Variants in PIK3CD observed in about 807,000 individuals in gnomAD.
The protein encoded by PIK3CD is phosphatidylinositol 4,5-bisphosphate 3-kinase catalytic subunit delta isoform.
PIK3CD carries 20 observed loss-of-function variants against 122.9 expected under a neutral mutation model. The observed-to-expected ratio is 0.16, with a 90% confidence interval of 0.11 to 0.24. PIK3CD has a LOEUF of 0.24. Ranked by LOEUF, PIK3CD falls within the 10% of genes least tolerant of loss-of-function variation. PIK3CD has a pLI of 1.00. For missense variants in PIK3CD, 787 were observed against 1,406.3 expected (o/e 0.56, Z 7.04); for synonymous variants, 596 against 593.4 (o/e 1.00, Z -0.06).
intron 23 of PIK3CD, among the ~76,000 whole-genome samples, chr1:9,725,693 A>T (rs1649441886): frequency 6.6e-6 from 1 of 152,076 alleles, no homozygotes; most frequent in African/African-American, 2.4e-5. Flanking sequence ...CCTGACCAAC[A>T]TGGTGAAACC....
the PIK3CD span, among the ~76,000 whole-genome samples, chr1:9,638,582 G>A: frequency 0.2 from 29,834 of 151,060 alleles, 2,980 homozygotes; most frequent in East Asian, 0.26. Flanking sequence ...AATACAAAAA[G>A]TTAGCGGGGT....
In PIK3CD at chr1:9,658,521, ATTTTT is replaced by A. The variant is rs1165670404; in HGVS notation, c.-138+6738_-138+6742del. 4.3e-3 allele frequency among the ~76,000 whole-genome samples: 391 copies of A among 91,178 alleles called. 5 individuals are homozygous for A. The highest frequency in any genetic ancestry group is 0.036 in the East Asian group (89 of 2,468). 59.8% of individuals were successfully genotyped at this position (91,178 alleles called of 152,430 possible). ...CTGAACTGGGTTTTTTCCCAGCCAC[ATTTTT>A]TTTTTTTTTTTTTTTTTTGGTGAGG... On this transcript the variant is annotated intron_variant, in intron 1 of 23. Coordinates refer to ENST00000377346, the MANE Select transcript of PIK3CD (RefSeq NM_005026.5).
chr1:9,675,527 T>C (rs543696825), intron 1 of PIK3CD, among the ~76,000 whole-genome samples: 1 of 151,998 alleles, frequency 6.6e-6, no homozygotes, highest in South Asian at 2.1e-4. Flanking sequence ...CAGAGGCTGC[T>C]CCTAACCCTG....
rs1649220115 is a variant in PIK3CD, at chr1:9,724,694, C to T, written c.2865-110C>T. On this transcript the variant is annotated intron_variant, in intron 22 of 23. Transcript: ENST00000377346. The surrounding 1 kb of genome is among the most constrained non-coding windows in gnomAD (Gnocchi z 7.3). ...TGGAGGCCTTGTGTCCACCCATTAT[C>T]AGGGCAAGGGCAGGTGTCCTTGGGG... is the stretch of plus-strand genomic sequence containing the variant. 2 of 1,420,684 alleles carry T rather than the reference C, an allele frequency of 1.4e-6. No homozygotes were observed. The highest frequency in any genetic ancestry group is 3.3e-5 in the Admixed American group (2 of 59,774). The allele number at this position is 1,420,684 out of a possible 1,614,324, so 88.0% of individuals were successfully genotyped here.
In PIK3CD at chr1:9,717,629, G is replaced by T; in HGVS notation, c.1020+3G>T. 6.2e-7 allele frequency: 1 copy of T among 1,613,780 alleles called. No homozygotes were observed. Among genetic ancestry groups the T allele is most frequent in the Non-Finnish European group, 8.5e-7 (1 of 1,179,726 alleles). ...TGAACGCCGACGAGCGGATGAAGGTGGGGCTCCTGGGATAGGTGGGAGAGA... is the reference window on the plus strand; with the variant it reads ...TGAACGCCGACGAGCGGATGAAGGTTGGGCTCCTGGGATAGGTGGGAGAGA... On this transcript the variant is annotated splice_donor_region_variant and intron_variant, in intron 8 of 23. Coordinates refer to ENST00000377346, the MANE Select transcript of PIK3CD (RefSeq NM_005026.5). This position sits in a 1 kb window ranked among gnomAD's most constrained non-coding sequence, Gnocchi z 5.4.
intron 1 of PIK3CD, chr1:9,654,223 G>A (rs751687980): frequency 4.4e-6 from 6 of 1,367,646 alleles, no homozygotes; most frequent in African/African-American, 1.5e-5. Flanking sequence ...ATTAGGGCAC[G>A]TGCCCCAGAG....
At position 9,704,423 on chromosome 1, in the gene PIK3CD, A is replaced by C. The variant is rs1046334793; in HGVS notation, c.-32-6001A>C. Reference sequence around the variant, plus strand: ...TGGCCAAAGATACCCCTGACTTTCAAAGCCCATGGTCAAAGCCCATTTCAT... The same window carrying C: ...TGGCCAAAGATACCCCTGACTTTCACAGCCCATGGTCAAAGCCCATTTCAT... On this transcript the variant is annotated intron_variant, in intron 2 of 23. Transcript: ENST00000377346. This position sits in a 1 kb window ranked among gnomAD's most constrained non-coding sequence, Gnocchi z 5.0. 6.6e-6 allele frequency among the ~76,000 whole-genome samples: 1 copy of C among 152,200 alleles called. No individual in the cohort carries two copies. Among genetic ancestry groups the C allele is most frequent in the Non-Finnish European group, 1.5e-5 (1 of 68,040 alleles).
In PIK3CD at chr1:9,689,440, G is replaced by C. The variant is rs1646103198; in HGVS notation, c.-137-2027G>C. Among the ~76,000 whole-genome samples the C allele has an allele frequency of 6.7e-6, 1 of 150,116 alleles. No individual in the cohort carries two copies. Among genetic ancestry groups the C allele is most frequent in the Admixed American group, 6.6e-5 (1 of 15,116 alleles). ...GTGTGAGAATTTGCCGACGGTGCCCGCGCCGCCGCCGGCCCCGGCCCCGCC... is the reference window on the plus strand; with the variant it reads ...GTGTGAGAATTTGCCGACGGTGCCCCCGCCGCCGCCGGCCCCGGCCCCGCC... On this transcript the variant is annotated intron_variant, in intron 1 of 23. Coordinates refer to ENST00000377346, the MANE Select transcript of PIK3CD (RefSeq NM_005026.5). The surrounding 1 kb of genome is among the most constrained non-coding windows in gnomAD (Gnocchi z 6.1).
chr1:9,727,106 A>C lies in PIK3CD; in HGVS notation c.*60A>C. On this transcript the variant is annotated 3_prime_UTR_variant, in exon 24 of 24. Coordinates refer to ENST00000377346, the MANE Select transcript of PIK3CD (RefSeq NM_005026.5). ...GCTGCGGGTCGTGGGGACCAAGCAC[A>C]TTGGTCCTAAAGGGGCTGAAGAGCC... 2 of 1,597,930 alleles carry C rather than the reference A, an allele frequency of 1.3e-6. No homozygotes were observed. The highest frequency in any genetic ancestry group is 1.7e-5 in the Admixed American group (1 of 59,546).
At position 9,689,237 on chromosome 1, in the gene PIK3CD, G is replaced by T. The variant is rs572146514; in HGVS notation, c.-137-2230G>T. 6.6e-6 allele frequency among the ~76,000 whole-genome samples: 1 copy of T among 152,354 alleles called. No individual in the cohort carries two copies. Among genetic ancestry groups the T allele is most frequent in the East Asian group, 1.9e-4 (1 of 5,180 alleles). On this transcript the variant is annotated intron_variant, in intron 1 of 23. Coordinates refer to ENST00000377346, the MANE Select transcript of PIK3CD (RefSeq NM_005026.5). This position sits in a 1 kb window ranked among gnomAD's most constrained non-coding sequence, Gnocchi z 6.1. ...TAAGGTGAAACCTAGGCCAGAGCCA[G>T]CGTGCGCGCGCCGTCGGGGTCCCGC...
chr1:9,684,401 G>T (rs974894185), intron 1 of PIK3CD, among the ~76,000 whole-genome samples: 1 of 152,002 alleles, frequency 6.6e-6, no homozygotes, highest in Non-Finnish European at 1.5e-5. Context: ...GCTGGGCATG[G>T]TGGCAGGCCC....
In PIK3CD at chr1:9,721,198, C is replaced by T; in HGVS notation, c.1761C>T (p.Phe587=). ...CCCTGGAGCTGCTAGACTTCAGCTT[C>T]CCCGATTGCCACGTAGGCTCCTTCG... ...LSALELLDFS[F]PDCHVGSFAI... is the part of the protein sequence containing the mutation. The change falls in exon 14 of 24, where the codon TTC becomes TTT. Residue 587 remains phenylalanine (F), a synonymous_variant. Coordinates refer to ENST00000377346, the MANE Select transcript of PIK3CD (RefSeq NM_005026.5). The T allele has an allele frequency of 6.2e-7, 1 of 1,613,468 alleles. No individual in the cohort carries two copies. Among genetic ancestry groups the T allele is most frequent in the South Asian group, 1.1e-5 (1 of 91,088 alleles).
Position 9,720,419 on chromosome 1 carries a change from T to C in PIK3CD, c.1470+177T>C. On this transcript the variant is annotated intron_variant, in intron 11 of 23. Transcript: ENST00000377346. This position sits in a 1 kb window ranked among gnomAD's most constrained non-coding sequence, Gnocchi z 9.0. ...GGGATGCTGCGCAGTCTGATGACAT[T>C]TTCGGTTGTCACAGCTGCCAGGAGG... 1 of 1,388,762 alleles carries C rather than the reference T, an allele frequency of 7.2e-7. No individual in the cohort carries two copies. Among genetic ancestry groups the C allele is most frequent in the Admixed American group, 2.5e-5 (1 of 40,136 alleles). 86.0% of individuals were successfully genotyped at this position (1,388,762 alleles called of 1,614,324 possible).
chr1:9,680,422 C>A (rs1415460803), intron 1 of PIK3CD, among the ~76,000 whole-genome samples: 1 of 151,596 alleles, frequency 6.6e-6, no homozygotes, highest in African/African-American at 2.4e-5. Flanking sequence ...CCAGCCTGGG[C>A]AATATAGTGA....
chr1:9,636,147 G>T, the PIK3CD span, among the ~76,000 whole-genome samples: 2 of 152,134 alleles, frequency 1.3e-5, no homozygotes, highest in Admixed American at 6.6e-5. Flanking sequence ...CTCCCACTGT[G>T]CCCATGTGTG....
intron 1 of PIK3CD, chr1:9,654,149 G>A (rs1284212269): frequency 6.2e-6 from 8 of 1,284,024 alleles, no homozygotes; most frequent in East Asian, 1.0e-4. Context: ...CACTTCCCCC[G>A]CCCTTCAGCC....
At chr1:9,653,763 A>G (rs776380061) in intron 1 of PIK3CD, 2 of 1,351,880 alleles carry the variant, frequency 1.5e-6, no homozygotes, top group Admixed American at 1.9e-5. Flanking sequence ...TAGCATTTCC[A>G]TGGCCTGCTG....
chr1:9,707,083 G>C (rs1429786079), intron 2 of PIK3CD, among the ~76,000 whole-genome samples: 2 of 151,688 alleles, frequency 1.3e-5, no homozygotes, highest in African/African-American at 2.4e-5. Flanking sequence ...AAAGCACTGG[G>C]ATTACAGGCA....
intron 1 of PIK3CD, among the ~76,000 whole-genome samples, chr1:9,674,349 T>C (rs914546596): frequency 6.6e-6 from 1 of 152,188 alleles, no homozygotes; most frequent in African/African-American, 2.4e-5. Context: ...TTTTGTAATA[T>C]GTACCCTGTG....
Sources: gnomAD v4.1 joint callset for allele counts (sites outside exome capture counted in the v4.1 genomes callset) on GRCh38, gnomAD v4.1.1 for gene constraint, Gnocchi (gnomAD v3.1) non-coding constraint, MANE v1.5 for transcripts, NCBI Gene and HGNC (gene_info 2026-07-23, HGNC 2026-07-21) for gene names.